Variants in NBEA observed in about 807,000 individuals in gnomAD.
NBEA encodes the protein lysosomal-trafficking regulator 2.
NBEA carries 44 observed loss-of-function variants against 343.4 expected under a neutral mutation model. The observed-to-expected ratio is 0.13, with a 90% CI of 0.10 to 0.16. The LOEUF (loss-of-function observed/expected upper bound fraction) is 0.16. NBEA is among the 10% of genes least tolerant of loss of function. The probability of loss-of-function intolerance (pLI) is 1.00; values close to 1 mark genes in which losing one functional copy is unlikely to be tolerated. For missense variants in NBEA, 2,555 were observed against 3,631.3 expected, an observed-to-expected ratio of 0.70 and a Z score of 7.62; for synonymous variants, 1,175 against 1,238.7, an observed-to-expected ratio of 0.95 and a Z score of 1.08.
At chr13:35,470,728 G>T (rs943509058) in intron 40 of NBEA, among the ~76,000 whole-genome samples, 2 of 152,218 alleles carry the variant, frequency 1.3e-5, no homozygotes, top group Non-Finnish European at 2.9e-5. Flanking sequence ...CGGCCCGAGC[G>T]TTGGGGGATT....
At chr13:35,592,399 A>G (rs2153043197) in intron 46 of NBEA, among the ~76,000 whole-genome samples, 1 of 152,284 alleles carries the variant, frequency 6.6e-6, no homozygotes, top group African/African-American at 2.4e-5. Context: ...AGTGGGGAAT[A>G]TAGACAGATT....
At chr13:35,500,591 G>C (rs1451109770) in intron 41 of NBEA, among the ~76,000 whole-genome samples, 1 of 152,022 alleles carries the variant, frequency 6.6e-6, no homozygotes, top group Non-Finnish European at 1.5e-5. Flanking sequence ...CTGGTAGTCT[G>C]TTGTGATTGG....
At chr13:35,536,548 A>G (rs2078554258) in intron 41 of NBEA, among the ~76,000 whole-genome samples, 1 of 152,212 alleles carries the variant, frequency 6.6e-6, no homozygotes, top group South Asian at 2.1e-4. Context: ...CAAAGAACAG[A>G]GACATGAAAG....
chr13:35,204,794 C>G (rs2073272074), intron 31 of NBEA, among the ~76,000 whole-genome samples: 1 of 152,052 alleles, frequency 6.6e-6, no homozygotes, highest in Non-Finnish European at 1.5e-5. Flanking sequence ...TATGTTCACT[C>G]TAAAAAAATG....
chr13:35,046,028 A>G (rs1455026727), intron 4 of NBEA, among the ~76,000 whole-genome samples: 1 of 152,008 alleles, frequency 6.6e-6, no homozygotes, highest in East Asian at 1.9e-4. Context: ...CCGGCCTGGT[A>G]TATAGTCTTT....
chr13:35,072,337 G>A (rs1338900507), intron 10 of NBEA, among the ~76,000 whole-genome samples: 2 of 151,658 alleles, frequency 1.3e-5, no homozygotes, highest in East Asian at 3.9e-4. Context: ...CAAGACACAT[G>A]GTTACTTTTT....
rs1360563486 is a variant in NBEA, at chr13:35,181,937, T to G, written c.4663-423T>G. On this transcript the variant is annotated intron_variant, in intron 28 of 58. Transcript: ENST00000379939. ...GTTCCAGTTACACTAGGATTTTATA[T>G]GTATTTCAGTTGGAGTTTTATCCTA... is the stretch of plus-strand genomic sequence containing the variant. Among the ~76,000 whole-genome samples the G allele has an allele frequency of 2.1e-4, 32 of 151,736 alleles. 1 individual carries two copies. The highest frequency in any genetic ancestry group is 3.0e-5 in the Non-Finnish European group (2 of 67,782).
intron 38 of NBEA, among the ~76,000 whole-genome samples, chr13:35,398,630 TC>T (rs1425897349): frequency 6.6e-6 from 1 of 152,044 alleles, no homozygotes; most frequent in African/African-American, 2.4e-5. Flanking sequence ...ATTTTGAAAA[TC>T]TTTTTTTCTG....
At chr13:35,070,134 T>G (rs1236361149) in intron 9 of NBEA, 29 bp downstream of exon 9, 1 of 1,461,926 alleles carries the variant, frequency 6.8e-7, no homozygotes, top group South Asian at 1.5e-5. Flanking sequence ...TGTTTTCATG[T>G]TCTTGTCAGA....
intron 41 of NBEA, among the ~76,000 whole-genome samples, chr13:35,478,417 CG>C (rs2075975722): frequency 6.6e-6 from 1 of 152,148 alleles, no homozygotes; most frequent in Admixed American, 6.5e-5. Flanking sequence ...CCATCAGAGC[CG>C]GAGAACCTGC....
chr13:35,462,254 G>A (rs1355286892), intron 40 of NBEA, among the ~76,000 whole-genome samples: 1 of 151,930 alleles, frequency 6.6e-6, no homozygotes, highest in Admixed American at 6.6e-5. Context: ...TAGAGGAGAA[G>A]AGATAATGAA....
At chr13:35,539,545 G>A (rs959001746) in intron 41 of NBEA, among the ~76,000 whole-genome samples, 1 of 151,992 alleles carries the variant, frequency 6.6e-6, no homozygotes, top group Admixed American at 6.6e-5. Flanking sequence ...TGCATAAATT[G>A]TACTATGATT....
chr13:35,638,541 G>A (rs1351551205), intron 49 of NBEA, among the ~76,000 whole-genome samples: 1 of 152,162 alleles, frequency 6.6e-6, no homozygotes, highest in Non-Finnish European at 1.5e-5. Context: ...GAACCCACTG[G>A]GAAGGTAGAG....
chr13:35,671,217 G>C lies in NBEA; in HGVS notation c.*226G>C. 1 of 428,830 alleles carries C rather than the reference G, an allele frequency of 2.3e-6. No homozygotes were observed. Among genetic ancestry groups the C allele is most frequent in the South Asian group, 5.1e-5 (1 of 19,714 alleles). 26.6% of individuals were successfully genotyped at this position (428,830 alleles called of 1,614,324 possible). A position where few individuals can be genotyped will look rare whatever the true frequency, so the allele number is the denominator to read the frequency against. On this transcript the variant is annotated 3_prime_UTR_variant, in exon 59 of 59. Coordinates refer to ENST00000379939, the MANE Select transcript of NBEA (RefSeq NM_001385012.1). ...CAAGCTTATATCATGTAAATTATAT[G>C]AATTAGGAGATGTTTTGGTAATTAT...
chr13:35,478,991 T>C (rs1192141947), intron 41 of NBEA, among the ~76,000 whole-genome samples: 1 of 152,206 alleles, frequency 6.6e-6, no homozygotes, highest in Non-Finnish European at 1.5e-5. Flanking sequence ...CGGGGCTCAC[T>C]GTGCAGCTTA....
intron 45 of NBEA, among the ~76,000 whole-genome samples, chr13:35,578,214 A>G (rs1209010904): frequency 6.6e-6 from 1 of 152,222 alleles, no homozygotes; most frequent in Non-Finnish European, 1.5e-5. Flanking sequence ...TAAAACGTCT[A>G]GCCACTGACT....
At chr13:35,397,865 T>G (rs777199597) in intron 38 of NBEA, among the ~76,000 whole-genome samples, 15 of 152,200 alleles carry the variant, frequency 9.9e-5, no homozygotes, top group Non-Finnish European at 1.9e-4. Flanking sequence ...CTTACCTTGA[T>G]GTTGATGGCT....
At chr13:35,545,328 A>G (rs1354816312) in intron 41 of NBEA, among the ~76,000 whole-genome samples, 1 of 152,012 alleles carries the variant, frequency 6.6e-6, no homozygotes, top group Non-Finnish European at 1.5e-5. Context: ...CCCCCATCCC[A>G]CTGCATTCCA....
chr13:34,988,550 G>A (rs920395402), intron 1 of NBEA, among the ~76,000 whole-genome samples: 1 of 150,994 alleles, frequency 6.6e-6, no homozygotes, highest in Non-Finnish European at 1.5e-5. Context: ...GTCGATATCA[G>A]ACTGCTGTGC....
Sources: allele counts gnomAD v4.1 joint callset (sites outside exome capture counted in the v4.1 genomes callset), GRCh38; gene constraint gnomAD v4.1.1; transcripts MANE v1.5; gene names NCBI Gene and HGNC (gene_info 2026-07-23, HGNC 2026-07-21).